Variants in CORIN observed in about 807,000 individuals in gnomAD.
CORIN encodes the protein atrial natriuretic peptide-converting enzyme.
In CORIN, 117 loss-of-function variants were observed where a neutral mutation model predicts 125.3. The ratio of observed to expected loss-of-function variants is 0.93; its 90% confidence interval spans 0.80 to 1.09. The LOEUF is 1.09. Ranked by LOEUF, CORIN falls within the 50% of genes least tolerant of loss-of-function variation. CORIN has a pLI of 0.00. For missense variants in CORIN, 1,253 were observed against 1,306.7 expected (o/e 0.96, Z 0.63); for synonymous variants, 450 against 466.4 (o/e 0.96, Z 0.45).
intron 19 of CORIN, among the ~76,000 whole-genome samples, chr4:47,623,096 C>CTCTCTCTA (rs771867590): frequency 0.017 from 1,782 of 101,998 alleles, 36 homozygotes; most frequent in Admixed American, 0.029. Context: ...CTCTCTCTCT[C>CTCTCTCTA]TATATATATA....
At chr4:47,638,562 TA>T (rs1305562482) in intron 16 of CORIN, among the ~76,000 whole-genome samples, 1 of 152,204 alleles carries the variant, frequency 6.6e-6, no homozygotes, top group Non-Finnish European at 1.5e-5. Context: ...CATATGGTTT[TA>T]AAAATGGGAG....
intron 10 of CORIN, among the ~76,000 whole-genome samples, chr4:47,665,560 T>C (rs1238006114): frequency 6.6e-6 from 1 of 152,192 alleles, no homozygotes; most frequent in East Asian, 1.9e-4. Context: ...TGACTCTCTT[T>C]CATCATTCCT....
At chr4:47,706,293 A>C (rs975993190) in intron 5 of CORIN, 19 of 1,002,354 alleles carry the variant, frequency 1.9e-5, no homozygotes, top group Non-Finnish European at 2.7e-5. Context: ...TAAGCTCTAA[A>C]CTGCTCTACT....
rs577298995 is a variant in CORIN at position 47,720,625 on chromosome 4, T to C, written c.799+23777A>G. Among the ~76,000 whole-genome samples the C allele has an allele frequency of 1.2e-4, 19 of 152,316 alleles. No homozygotes were observed. In the South Asian group the frequency reaches 3.7e-3, roughly 30 times the overall value. ...ATCTACATAGAGCTATCCCTACACA[T>C]CTACTTCTTGTATGAGATGAACTCA... On this transcript the variant is annotated intron_variant, in intron 5 of 21. Transcript: ENST00000273857.
At chr4:47,620,170 C>T (rs1047366751) in intron 19 of CORIN, among the ~76,000 whole-genome samples, 2 of 152,118 alleles carry the variant, frequency 1.3e-5, no homozygotes, top group African/African-American at 4.8e-5. Flanking sequence ...AAACATGTAT[C>T]CATCTGTGTA....
At chr4:47,639,877 T>A (rs1221006483) in intron 16 of CORIN, among the ~76,000 whole-genome samples, 3 of 152,182 alleles carry the variant, frequency 2.0e-5, no homozygotes, top group African/African-American at 7.2e-5. Context: ...AGCCTGGCTC[T>A]CCAGATTTCT....
intron 3 of CORIN, among the ~76,000 whole-genome samples, chr4:47,779,060 A>G (rs564875574): frequency 1.1e-3 from 164 of 152,386 alleles, no homozygotes; most frequent in African/African-American, 3.8e-3. Flanking sequence ...TAGTATAATT[A>G]AATTGCCAAT....
chr4:47,645,437 C>T (rs61760470), intron 13 of CORIN, among the ~76,000 whole-genome samples: 10 of 143,040 alleles, frequency 7.0e-5, no homozygotes, highest in African/African-American at 2.4e-4. Context: ...GGCAACAGAG[C>T]GAGACTTTGT....
chr4:47,808,593 GAGA>G (rs2109955520), intron 1 of CORIN, among the ~76,000 whole-genome samples: 1 of 152,298 alleles, frequency 6.6e-6, no homozygotes, highest in Admixed American at 6.5e-5. Flanking sequence ...TTGTTAACTT[GAGA>G]AGAACTTCAT....
At chr4:47,816,737 C>T (rs1038699004) in intron 1 of CORIN, among the ~76,000 whole-genome samples, 2 of 151,974 alleles carry the variant, frequency 1.3e-5, no homozygotes, top group Admixed American at 6.6e-5. Context: ...ATTGATATTC[C>T]GAGAAGGACA....
At chr4:47,678,957 C>T (rs566078552) in intron 8 of CORIN, among the ~76,000 whole-genome samples, 27 of 152,282 alleles carry the variant, frequency 1.8e-4, no homozygotes, top group African/African-American at 5.3e-4. Flanking sequence ...AGGAGAGCTA[C>T]GCATTGTGAC....
At chr4:47,718,091 C>T (rs1292682835) in intron 5 of CORIN, among the ~76,000 whole-genome samples, 1 of 152,214 alleles carries the variant, frequency 6.6e-6, no homozygotes, top group African/African-American at 2.4e-5. Context: ...AGCCATCTGA[C>T]TATGTGCCAA....
At chr4:47,707,518 C>T (rs1409495611) in intron 5 of CORIN, among the ~76,000 whole-genome samples, 1 of 152,210 alleles carries the variant, frequency 6.6e-6, no homozygotes, top group Non-Finnish European at 1.5e-5. Flanking sequence ...TTCCTAAGGA[C>T]TCCTCTATCT....
At chr4:47,626,384 C>T in intron 17 of CORIN, 21 bp downstream of exon 17, 2 of 1,341,314 alleles carry the variant, frequency 1.5e-6, no homozygotes, top group Non-Finnish European at 2.1e-6. Context: ...CTCTACACAG[C>T]TCTTATGAAT....
intron 3 of CORIN, among the ~76,000 whole-genome samples, chr4:47,779,636 A>G (rs886672737): frequency 4.0e-5 from 6 of 151,880 alleles, no homozygotes; most frequent in African/African-American, 7.3e-5. Flanking sequence ...AGGTTTCACC[A>G]TGTTGGTCAG....
intron 4 of CORIN, among the ~76,000 whole-genome samples, chr4:47,761,293 T>C (rs991585932): frequency 6.6e-6 from 1 of 152,252 alleles, no homozygotes; most frequent in Non-Finnish European, 1.5e-5. Context: ...GTGAGAGATA[T>C]GCCACTCTTC....
chr4:47,677,464 T>C (rs577266930), intron 9 of CORIN, among the ~76,000 whole-genome samples: 4 of 152,340 alleles, frequency 2.6e-5, no homozygotes, highest in East Asian at 3.9e-4. Context: ...AAACAATTTA[T>C]TGGATCTAGT....
intron 10 of CORIN, among the ~76,000 whole-genome samples, chr4:47,674,081 A>T (rs1473243516): frequency 6.6e-6 from 1 of 152,228 alleles, no homozygotes; most frequent in Non-Finnish European, 1.5e-5. Flanking sequence ...AAAGGAAGAA[A>T]GATAGCATCT....
chr4:47,757,740 A>T (rs1729218475), intron 4 of CORIN, among the ~76,000 whole-genome samples: 1 of 151,302 alleles, frequency 6.6e-6, no homozygotes, highest in African/African-American at 2.4e-5. Context: ...GTCAGGGGAA[A>T]AGGAAATTGT....
Sources: allele counts gnomAD v4.1 joint callset (sites outside exome capture counted in the v4.1 genomes callset), GRCh38; gene constraint gnomAD v4.1.1; transcripts MANE v1.5; gene names NCBI Gene and HGNC (gene_info 2026-07-23, HGNC 2026-07-21).